Variants in VPS13D observed in about 807,000 individuals in gnomAD.
VPS13D encodes the protein intermembrane lipid transfer protein VPS13D.
VPS13D carries 187 observed loss-of-function variants against 461.9 expected under a neutral mutation model. The observed-to-expected ratio is 0.40, with a 90% CI of 0.36 to 0.46. The LOEUF (loss-of-function observed/expected upper bound fraction) is 0.46. Ranked by LOEUF, VPS13D falls within the 20% of genes least tolerant of loss-of-function variation. The probability of loss-of-function intolerance (pLI) is 0.60; values close to 1 mark genes in which losing one functional copy is unlikely to be tolerated. For missense variants in VPS13D, 4,711 were observed against 5,364.9 expected (o/e 0.88, Z 3.81); for synonymous variants, 1,951 against 1,986.3 (o/e 0.98, Z 0.47).
Position 12,351,108 on chromosome 1 carries a change from C to T in VPS13D, c.9431+1734C>T, listed in dbSNP as rs1036034971. 4.6e-5 allele frequency among the ~76,000 whole-genome samples: 7 copies of T among 152,076 alleles called. No individual in the cohort carries two copies. In the East Asian group the frequency reaches 1.2e-3, roughly 25 times the overall value. ...AACATTACTAGTGAATTCTACCAGA[C>T]GTTTAAGGAGAAATAATAACAGTTT... is the stretch of plus-strand genomic sequence containing the variant. On this transcript the variant is annotated intron_variant, in intron 46 of 69. Transcript: ENST00000620676.
At chr1:12,428,356 C>T (rs1345206534) in intron 65 of VPS13D, among the ~76,000 whole-genome samples, 1 of 152,196 alleles carries the variant, frequency 6.6e-6, no homozygotes, top group African/African-American at 2.4e-5. Flanking sequence ...CTTCGCTTTT[C>T]CTTTTCTATT....
chr1:12,351,753 G>A (rs540563160), intron 46 of VPS13D, among the ~76,000 whole-genome samples: 3 of 148,868 alleles, frequency 2.0e-5, no homozygotes, highest in Admixed American at 6.7e-5. Context: ...CACCACAACC[G>A]GCTGATTTTT....
At chr1:12,257,270 A>G (rs763110572) in intron 9 of VPS13D, among the ~76,000 whole-genome samples, 183 bp downstream of exon 9, 7 of 152,162 alleles carry the variant, frequency 4.6e-5, no homozygotes, top group Non-Finnish European at 1.0e-4. Context: ...CTGTATATTT[A>G]TTTGGTGTCA....
intron 65 of VPS13D, among the ~76,000 whole-genome samples, chr1:12,431,211 C>G (rs1326463321): frequency 6.6e-6 from 1 of 152,180 alleles, no homozygotes; most frequent in Admixed American, 6.5e-5. Flanking sequence ...TGTGTCAACA[C>G]TAAAACTTTT....
In VPS13D at chr1:12,280,989, G is replaced by A. The variant is rs111365875; in HGVS notation, c.4602+1339G>A. On this transcript the variant is annotated intron_variant, in intron 20 of 69. Coordinates refer to ENST00000620676, the MANE Select transcript of VPS13D (RefSeq NM_015378.4). ...AAGAATGTAAGCCTATACAAAAGTG[G>A]AATAGTCTAATGAGCTTTATGTGCC... Among the ~76,000 whole-genome samples the A allele has an allele frequency of 9.7e-3, 1,469 of 151,836 alleles. 17 individuals are homozygous for A. The highest frequency in any genetic ancestry group is 0.017 in the Non-Finnish European group (1,181 of 67,976).
intron 16 of VPS13D, among the ~76,000 whole-genome samples, chr1:12,270,457 G>T (rs1569753068): frequency 1.4e-5 from 2 of 143,172 alleles, no homozygotes; most frequent in South Asian, 4.3e-4. Flanking sequence ...TCTTAAAAAA[G>T]AAGAAGAAGA....
At chr1:12,370,507 C>T (rs2101628352) in intron 54 of VPS13D, among the ~76,000 whole-genome samples, 1 of 152,218 alleles carries the variant, frequency 6.6e-6, no homozygotes, top group East Asian at 1.9e-4. Context: ...ATGCCTGGGG[C>T]CCAGAAAATA....
rs191053193 is a variant in VPS13D, at chr1:12,427,688, C to T, written c.12333+10861C>T. ...ATACCACACTATTTTATATCAGGGA[C>T]TTCAGCGTCTGTGGATGGATGGTGT... On this transcript the variant is annotated intron_variant, in intron 65 of 69. Coordinates refer to ENST00000620676, the MANE Select transcript of VPS13D (RefSeq NM_015378.4). Among the ~76,000 whole-genome samples, 23 of 152,260 alleles carry T rather than the reference C, an allele frequency of 1.5e-4. No homozygotes were observed. The East Asian group carries it at 4.4e-3, about 29-fold the overall frequency.
rs371730567 is a variant in VPS13D, at chr1:12,376,788, G to A, written c.10918-1640G>A. The stretch of plus-strand genomic sequence containing the variant: ...CTGGAGGAGTTCCTGCCTAGTGGGA[G>A]TGTATGTGATCCTGGCAGATCTAGC... On this transcript the variant is annotated intron_variant, in intron 55 of 69. Transcript: ENST00000620676. Among the ~76,000 whole-genome samples, 3 of 152,342 alleles carry A rather than the reference G, an allele frequency of 2.0e-5. 1 individual carries two copies.
At position 12,268,885 on chromosome 1, in the gene VPS13D, T is replaced by G. The variant is rs1054707799; in HGVS notation, c.1972+9T>G. ...AAAGGTTCATACCTCAGGTTAACTT[T>G]TTTGTTTGTTTGATCTTATGTTCCT... On this transcript the variant is annotated intron_variant, in intron 16 of 69. Transcript: ENST00000620676. 2 of 1,600,442 alleles carry G rather than the reference T, an allele frequency of 1.2e-6. No individual in the cohort carries two copies. Among genetic ancestry groups the G allele is most frequent in the Non-Finnish European group, 1.7e-6 (2 of 1,176,314 alleles).
rs184005491 is a variant in VPS13D, at chr1:12,291,395, A to G, written c.5852+271A>G. Among the ~76,000 whole-genome samples, 54 of 152,270 alleles carry G rather than the reference A, an allele frequency of 3.5e-4. 1 individual carries two copies. The East Asian group carries it at 9.8e-3, about 28-fold the overall frequency. ...TGTAATCTAAGCTCTTTGGGAGGCC[A>G]AGGCAGATGGATTGCTTAAAGCCAG... is the stretch of plus-strand genomic sequence containing the variant. On this transcript the variant is annotated intron_variant, in intron 23 of 69. Transcript: ENST00000620676.
rs557788677 is a variant in VPS13D at position 12,493,327 on chromosome 1, A to T, written c.12663-4173A>T. On this transcript the variant is annotated intron_variant, in intron 67 of 69. Coordinates refer to ENST00000620676, the MANE Select transcript of VPS13D (RefSeq NM_015378.4). ...GAAACCCCGTCTCTAATAAAAATAT[A>T]AAAAAATTAGCTGGGCATGGTGGCG... Among the ~76,000 whole-genome samples, 62 of 152,006 alleles carry T rather than the reference A, an allele frequency of 4.1e-4. 1 individual carries two copies. The highest frequency in any genetic ancestry group is 2.5e-4 in the Non-Finnish European group (17 of 67,948).
chr1:12,335,924 A>T (rs748313136), intron 39 of VPS13D, 97 bp downstream of exon 39: 1 of 1,554,278 alleles, frequency 6.4e-7, no homozygotes, highest in Non-Finnish European at 8.8e-7. Context: ...TTCTGCGTGG[A>T]AAAACCTACA....
chr1:12,231,696 G>A (rs118187490), intron 1 of VPS13D, among the ~76,000 whole-genome samples: 1 of 152,154 alleles, frequency 6.6e-6, no homozygotes, highest in African/African-American at 2.4e-5. Flanking sequence ...CTCCTTTCAA[G>A]TTATAATAGT....
intron 2 of VPS13D, among the ~76,000 whole-genome samples, chr1:12,238,107 T>C (rs1442302742): frequency 1.3e-5 from 2 of 150,922 alleles, no homozygotes; most frequent in African/African-American, 4.9e-5. Context: ...TGAGCTGCGA[T>C]GTCACCACTG....
Position 12,507,058 on chromosome 1 carries a change from G to C in VPS13D, c.13000G>C (p.Val4334Leu), listed in dbSNP as rs141439714. 110 of 1,614,156 alleles carry C rather than the reference G, an allele frequency of 6.8e-5. No homozygotes were observed. Among genetic ancestry groups the C allele is most frequent in the Non-Finnish European group, 8.8e-5 (104 of 1,180,062 alleles). The change falls in exon 69 of 70, where the codon GTG becomes CTG. Residue 4334 changes from valine (V) to leucine (L), a missense_variant. Val to Leu is a conservative substitution (Grantham distance 32). Around this residue, in one of 3 missense-constraint regions of VPS13D, gnomAD observed 194 missense variants for 220.9 expected, o/e 0.88. Coordinates refer to ENST00000620676, the MANE Select transcript of VPS13D (RefSeq NM_015378.4). This position sits in a 1 kb window ranked among gnomAD's most constrained non-coding sequence, Gnocchi z 5.3. ...GAAAGCCGTGAGCACGAGCAGTGGAGTGTCCATCCCCGGCCCCTCCCACCA... is the reference window on the plus strand; with the variant it reads ...GAAAGCCGTGAGCACGAGCAGTGGACTGTCCATCCCCGGCCCCTCCCACCA... ...TKKAVSTSSG[V>L]SIPGPSHQKP...
At chr1:12,373,387 C>G (rs1020798903) in intron 54 of VPS13D, among the ~76,000 whole-genome samples, 1 of 151,790 alleles carries the variant, frequency 6.6e-6, no homozygotes, top group African/African-American at 2.4e-5. Context: ...TCCCAAAGTG[C>G]TGGGATTACA....
intron 55 of VPS13D, among the ~76,000 whole-genome samples, chr1:12,377,172 G>A (rs887780110): frequency 3.3e-5 from 5 of 151,082 alleles, no homozygotes; most frequent in Admixed American, 3.3e-4. Context: ...TGATTCTCCT[G>A]CCTCAGTTTC....
chr1:12,447,789 A>G (rs1645211763), intron 65 of VPS13D, among the ~76,000 whole-genome samples: 1 of 152,228 alleles, frequency 6.6e-6, no homozygotes, highest in South Asian at 2.1e-4. Context: ...CTTTGTAAGA[A>G]TGGAGGTCTT....
Sources: gnomAD v4.1 joint callset for allele counts (sites outside exome capture counted in the v4.1 genomes callset) on GRCh38, gnomAD v4.1.1 for gene constraint, gnomAD v4.1.1 regional missense constraint, Gnocchi (gnomAD v3.1) non-coding constraint, MANE v1.5 for transcripts, NCBI Gene and HGNC (gene_info 2026-07-23, HGNC 2026-07-21) for gene names.